Variants in MMP24 observed in about 807,000 individuals in gnomAD.
MMP24 encodes matrix metalloproteinase-24.
In MMP24, 25 loss-of-function variants were observed where a neutral mutation model predicts 62.8. That is an observed-to-expected ratio of 0.40 (90% CI 0.29 to 0.56). The LOEUF is 0.56. Ranked by LOEUF, MMP24 falls within the 20% of genes least tolerant of loss-of-function variation. MMP24 has a pLI of 0.50. For synonymous variants in MMP24, 319 were observed against 350.5 expected (o/e 0.91, Z 1.00); for missense variants, 634 against 853.6 (o/e 0.74, Z 3.21).
intron 1 of MMP24, among the ~76,000 whole-genome samples, chr20:35,239,659 A>G (rs905338411): frequency 6.6e-6 from 1 of 152,148 alleles, no homozygotes; most frequent in African/African-American, 2.4e-5. Flanking sequence ...CGTCTCCACA[A>G]AAGATTAAAA....
intron 5 of MMP24, among the ~76,000 whole-genome samples, chr20:35,266,175 T>TA (rs35806814): frequency 0.64 from 27,604 of 42,884 alleles, 10,484 homozygotes; most frequent in East Asian, 0.77. Context: ...CCATCTCTGC[T>TA]AAAAAAAAAA....
At position 35,274,479 on chromosome 20, in the gene MMP24, T is replaced by C. The variant is rs1236936078; in HGVS notation, c.1808T>C (p.Val603Ala). 1 of 1,614,044 alleles carries C rather than the reference T, an allele frequency of 6.2e-7. No individual in the cohort carries two copies. The highest frequency in any genetic ancestry group is 2.2e-5 in the East Asian group (1 of 44,886). Residue 603 changes from valine to alanine, a missense_variant, in exon 9 of 9, where the codon GTG becomes GCG. By Grantham distance (64) the Val-to-Ala change is moderately conservative. This residue lies in a region of MMP24 where 399 missense variants were observed against 530.8 expected (regional missense o/e 0.75). Coordinates refer to ENST00000246186, the MANE Select transcript of MMP24 (RefSeq NM_006690.4). This position sits in a 1 kb window ranked among gnomAD's most constrained non-coding sequence, Gnocchi z 5.1. ...GATGTGCCGGGCTCCGTGAACGCCG[T>C]GGCCGTGGTCATCCCCTGCATCCTG... ...INDVPGSVNA[V>A]AVVIPCILSL...
Position 35,226,827 on chromosome 20 carries a change from G to A in MMP24, c.89G>A (p.Arg30Gln). The A allele has an allele frequency of 1.1e-6, 1 of 901,620 alleles. No individual in the cohort carries two copies. The highest frequency in any genetic ancestry group is 1.3e-6 in the Non-Finnish European group (1 of 792,780). The allele number at this position is 901,620 out of a possible 1,614,324, so 55.9% of individuals were successfully genotyped here. The change falls in exon 1 of 9, where the codon CGG becomes CAG. Residue 30 changes from arginine (R) to glutamine (Q), a missense_variant. Physicochemically the swap from Arg to Gln is conservative, Grantham distance 43. Around this residue, in one of 3 missense-constraint regions of MMP24, gnomAD observed 212 missense variants for 259.6 expected, o/e 0.82. Coordinates refer to ENST00000246186, the MANE Select transcript of MMP24 (RefSeq NM_006690.4). ...CAGGCCCCGCGCTGGAGCCGCTGGC[G>A]GGTCCCTGGGCGGCTGCTGCTGCTG... ...PGQAPRWSRW[R>Q]VPGRLLLLLL...
chr20:35,235,066 A>C (rs1331658567), intron 1 of MMP24, among the ~76,000 whole-genome samples: 1 of 152,196 alleles, frequency 6.6e-6, no homozygotes, highest in East Asian at 1.9e-4. Flanking sequence ...TTTTAACATG[A>C]CTTACAGGTT....
chr20:35,232,855 G>A (rs558465218), intron 1 of MMP24, among the ~76,000 whole-genome samples: 1 of 152,272 alleles, frequency 6.6e-6, no homozygotes, highest in South Asian at 2.1e-4. Context: ...GCAGAGGAGC[G>A]ACCTGCTCAG....
Position 35,269,994 on chromosome 20 carries a change from G to A in MMP24, c.1333+96G>A. The A allele has an allele frequency of 6.3e-6, 9 of 1,438,642 alleles. No homozygotes were observed. Among genetic ancestry groups the A allele is most frequent in the Non-Finnish European group, 8.5e-6 (9 of 1,065,074 alleles). 89.1% of individuals were successfully genotyped at this position (1,438,642 alleles called of 1,614,324 possible). On this transcript the variant is annotated intron_variant, in intron 7 of 8. Transcript: ENST00000246186. This position sits in a 1 kb window ranked among gnomAD's most constrained non-coding sequence, Gnocchi z 4.6. ...GGAAGAGGCGGGGTGGGAGGCAGAT[G>A]TCCTCAGAGGGCCCCTCTAGTCTAA... is the stretch of plus-strand genomic sequence containing the variant.
intron 1 of MMP24, among the ~76,000 whole-genome samples, chr20:35,239,749 C>T (rs2060480311): frequency 6.6e-6 from 1 of 152,124 alleles, no homozygotes; most frequent in Non-Finnish European, 1.5e-5. Flanking sequence ...ATCACTTGAG[C>T]CCAGAAGTTC....
chr20:35,239,564 T>C (rs1202190222), intron 1 of MMP24, among the ~76,000 whole-genome samples: 2 of 152,186 alleles, frequency 1.3e-5, no homozygotes. Flanking sequence ...CTCACGCCTG[T>C]AATCCCAGCA....
chr20:35,232,138 T>G (rs1457243824), intron 1 of MMP24, among the ~76,000 whole-genome samples: 2 of 152,230 alleles, frequency 1.3e-5, no homozygotes, highest in Non-Finnish European at 2.9e-5. Context: ...TGTTCTGGAT[T>G]ATTATTGTAG....
chr20:35,232,790 GATTGTGCATT>G (rs1415321621), intron 1 of MMP24, among the ~76,000 whole-genome samples: 4 of 152,186 alleles, frequency 2.6e-5, no homozygotes, highest in Admixed American at 1.3e-4. Context: ...ACTGAGAGCA[GATTGTGCATT>G]TGGCTTTTGT....
Position 35,271,771 on chromosome 20 carries a change from G to A in MMP24, c.1536G>A (p.Lys512=), listed in dbSNP as rs760498226. The A allele has an allele frequency of 3.1e-6, 5 of 1,603,072 alleles. No homozygotes were observed. The South Asian group carries it at 3.4e-5, about 11-fold the overall frequency. The change falls in exon 8 of 9, where the codon AAG becomes AAA. Residue 512 remains lysine (K), a synonymous_variant. Coordinates refer to ENST00000246186, the MANE Select transcript of MMP24 (RefSeq NM_006690.4). This position sits in a 1 kb window ranked among gnomAD's most constrained non-coding sequence, Gnocchi z 4.0. Reference sequence around the variant, plus strand: ...GGGCCACGGACCCTGGCTACCCTAAGCCCATCACCGTGTGGAAGGGCATCC... The same window carrying A: ...GGGCCACGGACCCTGGCTACCCTAAACCCATCACCGTGTGGAAGGGCATCC... The part of the protein sequence containing the change: ...ERRATDPGYP[K]PITVWKGIPQ...
intron 4 of MMP24, among the ~76,000 whole-genome samples, chr20:35,261,795 CTTTTT>C (rs11335936): frequency 2.2e-5 from 2 of 88,962 alleles, no homozygotes; most frequent in Non-Finnish European, 4.1e-5. Context: ...TCAGGGCATC[CTTTTT>C]TTTTTTTTTT....
chr20:35,229,203 C>A (rs2060427644), intron 1 of MMP24, among the ~76,000 whole-genome samples: 1 of 152,194 alleles, frequency 6.6e-6, no homozygotes, highest in Admixed American at 6.5e-5. Context: ...CTCTCTCTCT[C>A]CCTTCCTCCA....
In MMP24 at chr20:35,269,820, G is replaced by C; in HGVS notation, c.1255G>C (p.Glu419Gln). The stretch of plus-strand genomic sequence containing the variant: ...GCAGGAGGGCTACCCCATGCAGATC[G>C]AGCAGTTCTGGAAGGGCCTGCCTGC... ...RVQEGYPMQI[E>Q]QFWKGLPARI... The change falls in exon 7 of 9, where the codon GAG becomes CAG. Residue 419 changes from glutamate (E) to glutamine (Q), a missense_variant. Glu to Gln is a conservative substitution (Grantham distance 29). This residue lies in a region of MMP24 where 399 missense variants were observed against 530.8 expected (regional missense o/e 0.75). Transcript: ENST00000246186. This position sits in a 1 kb window ranked among gnomAD's most constrained non-coding sequence, Gnocchi z 4.6. 1 of 1,564,276 alleles carries C rather than the reference G, an allele frequency of 6.4e-7. No homozygotes were observed. Among genetic ancestry groups the C allele is most frequent in the Non-Finnish European group, 8.7e-7 (1 of 1,154,660 alleles).
intron 1 of MMP24, among the ~76,000 whole-genome samples, chr20:35,234,652 T>C (rs1353456673): frequency 5.9e-5 from 9 of 152,202 alleles, no homozygotes; most frequent in Admixed American, 5.2e-4. Flanking sequence ...GGCAGGACTC[T>C]GCAGGATATG....
chr20:35,273,748 G>A (rs1274300374), intron 8 of MMP24, among the ~76,000 whole-genome samples: 1 of 152,160 alleles, frequency 6.6e-6, no homozygotes, highest in Non-Finnish European at 1.5e-5. Context: ...TGGCAGGGCT[G>A]CCCAGCCTCT....
In MMP24 at chr20:35,254,623, A is replaced by C. The variant is rs763462003; in HGVS notation, c.686A>C (p.His229Pro). Residue 229 changes from histidine to proline, a missense_variant, in exon 4 of 9, where the codon CAT (histidine) becomes CCT (proline). Physicochemically the swap from His to Pro is moderately conservative, Grantham distance 77. Coordinates refer to ENST00000246186, the MANE Select transcript of MMP24 (RefSeq NM_006690.4). The stretch of plus-strand genomic sequence containing the variant: ...ATGATCTTTTTTGCTTCTGGTTTCC[A>C]TGGCGACAGCTCCCCATTTGATGGA... Reference protein sequence around the residue: ...DIMIFFASGFHGDSSPFDGEG... With the variant: ...DIMIFFASGFPGDSSPFDGEG... 6.2e-7 allele frequency: 1 copy of C among 1,614,224 alleles called. No homozygotes were observed. Among genetic ancestry groups the C allele is most frequent in the Admixed American group, 1.7e-5 (1 of 60,024 alleles).
Position 35,274,975 on chromosome 20 carries a change from A to C in MMP24, c.*366A>C, listed in dbSNP as rs1600811645. On this transcript the variant is annotated 3_prime_UTR_variant, in exon 9 of 9. Coordinates refer to ENST00000246186, the MANE Select transcript of MMP24 (RefSeq NM_006690.4). This position sits in a 1 kb window ranked among gnomAD's most constrained non-coding sequence, Gnocchi z 5.1. ...GCTCCACTCCTGGCTGGAACCCAGC[A>C]CCCTCTGTGGGAAGCCAGCACTAGC... 4.1e-6 allele frequency: 1 copy of C among 241,774 alleles called. No homozygotes were observed. Among genetic ancestry groups the C allele is most frequent in the Non-Finnish European group, 8.1e-6 (1 of 123,920 alleles). The allele number at this position is 241,774 out of a possible 1,614,324, so 15.0% of individuals were successfully genotyped here. A position where few individuals can be genotyped will look rare whatever the true frequency, so the allele number is the denominator to read the frequency against.
intron 5 of MMP24, among the ~76,000 whole-genome samples, chr20:35,264,707 C>CAAA (rs57309455): frequency 0.029 from 1,271 of 43,612 alleles, 3 homozygotes; most frequent in South Asian, 0.04. Context: ...GACTCCGTCT[C>CAAA]AAAAAAAAAA....
Sources: gnomAD v4.1 joint callset for allele counts (sites outside exome capture counted in the v4.1 genomes callset) on GRCh38, gnomAD v4.1.1 for gene constraint, gnomAD v4.1.1 regional missense constraint, Gnocchi (gnomAD v3.1) non-coding constraint, MANE v1.5 for transcripts, NCBI Gene and HGNC (gene_info 2026-07-23, HGNC 2026-07-21) for gene names.